The following CCDC91 variants were observed in gnomAD, a reference collection of about 807,000 sequenced individuals.
The protein encoded by CCDC91 is coiled-coil domain containing 91.
In CCDC91, 48 loss-of-function variants were observed where a neutral mutation model predicts 63.2. The ratio of observed to expected loss-of-function variants is 0.76; its 90% CI spans 0.60 to 0.97. The LOEUF (loss-of-function observed/expected upper bound fraction) is 0.97. CCDC91 is among the 50% of genes least tolerant of loss of function. The probability of loss-of-function intolerance (pLI) is 0.00; values close to 1 mark genes in which losing one functional copy is unlikely to be tolerated. For synonymous variants in CCDC91, 167 were observed against 165.8 expected (o/e 1.01, Z -0.06); for missense variants, 500 against 494.6 (o/e 1.01, Z -0.10).
chr12:28,376,565 T>C (rs1944960104), intron 7 of CCDC91, among the ~76,000 whole-genome samples: 1 of 151,776 alleles, frequency 6.6e-6, no homozygotes, highest in South Asian at 2.1e-4. Context: ...ATTGGTATAA[T>C]AGCACAGAGG....
chr12:28,513,440 A>C (rs1939590126), intron 12 of CCDC91, among the ~76,000 whole-genome samples: 2 of 151,908 alleles, frequency 1.3e-5, no homozygotes, highest in Non-Finnish European at 2.9e-5. Flanking sequence ...CTTTTTGAGC[A>C]CTGACATATG....
chr12:28,423,296 G>T (rs1204392295), intron 8 of CCDC91, among the ~76,000 whole-genome samples: 1 of 152,126 alleles, frequency 6.6e-6, no homozygotes, highest in African/African-American at 2.4e-5. Flanking sequence ...CTTTTGAGGA[G>T]ATTTGCTAGG....
intron 12 of CCDC91, among the ~76,000 whole-genome samples, chr12:28,496,496 TAGGG>T (rs1334721872): frequency 2.0e-5 from 3 of 151,696 alleles, no homozygotes; most frequent in Non-Finnish European, 4.4e-5. Context: ...TTTTTAAACA[TAGGG>T]AGGATATCAA....
chr12:28,429,948 T>TCAAA (rs1366616824), intron 8 of CCDC91, among the ~76,000 whole-genome samples: 11 of 152,098 alleles, frequency 7.2e-5, no homozygotes, highest in Non-Finnish European at 1.5e-4. Context: ...TATTTTGACC[T>TCAAA]TTTGTGATTT....
chr12:28,528,492 C>A (rs536513173), intron 12 of CCDC91, among the ~76,000 whole-genome samples: 2 of 152,300 alleles, frequency 1.3e-5, no homozygotes, highest in East Asian at 1.9e-4. Context: ...TCTCCCAGGT[C>A]CTGCAGGAGC....
intron 11 of CCDC91, among the ~76,000 whole-genome samples, chr12:28,460,391 G>C (rs1950247501): frequency 6.6e-6 from 1 of 152,072 alleles, no homozygotes; most frequent in African/African-American, 2.4e-5. Context: ...AATTTTAACT[G>C]ATTGTCAAAT....
At chr12:28,291,571 A>G (rs553052938) in intron 3 of CCDC91, among the ~76,000 whole-genome samples, 156 of 152,264 alleles carry the variant, frequency 1.0e-3, no homozygotes, top group African/African-American at 3.4e-3. Flanking sequence ...TTGTGGTGCA[A>G]GTTTGGCTTT....
chr12:28,320,325 GCA>G, intron 6 of CCDC91, among the ~76,000 whole-genome samples: 1 of 151,902 alleles, frequency 6.6e-6, no homozygotes, highest in African/African-American at 2.4e-5. Context: ...TTCCCAGAGT[GCA>G]CACAGACTTT....
intron 7 of CCDC91, among the ~76,000 whole-genome samples, chr12:28,382,180 A>C (rs554747060): frequency 2.0e-5 from 3 of 152,152 alleles, no homozygotes; most frequent in Admixed American, 6.5e-5. Flanking sequence ...CAAACCTGTA[A>C]TCTCTTAATG....
At chr12:28,378,395 G>T (rs1945079192) in intron 7 of CCDC91, among the ~76,000 whole-genome samples, 1 of 151,954 alleles carries the variant, frequency 6.6e-6, no homozygotes, top group African/African-American at 2.4e-5. Flanking sequence ...TAAATTGTTT[G>T]TACCGTTTTA....
At chr12:28,532,644 GA>G (rs1941835601) in intron 12 of CCDC91, among the ~76,000 whole-genome samples, 2 of 151,950 alleles carry the variant, frequency 1.3e-5, no homozygotes, top group South Asian at 4.2e-4. Context: ...GGTTATATCA[GA>G]AAGAGTAACT....
intron 1 of CCDC91, among the ~76,000 whole-genome samples, chr12:28,194,242 ACTCT>A (rs748438687): frequency 1.3e-5 from 2 of 150,042 alleles, no homozygotes; most frequent in African/African-American, 4.9e-5. Context: ...AGGGGTCAAG[ACTCT>A]CTCTCTCTCT....
At chr12:28,284,328 A>G (rs1228003104) in intron 3 of CCDC91, among the ~76,000 whole-genome samples, 1 of 152,064 alleles carries the variant, frequency 6.6e-6, no homozygotes, top group Non-Finnish European at 1.5e-5. Context: ...TTGTGATTAT[A>G]CTTTTTTGTA....
At position 28,442,196 on chromosome 12, in the gene CCDC91, A is replaced by G. The variant is rs568395336; in HGVS notation, c.763-7965A>G. On this transcript the variant is annotated intron_variant, in intron 8 of 12. Transcript: ENST00000536442. ...TACTGCCTGTGTATTCAGAGAACACATTGAATCCAGGAGGATGCGTTGTCA... is the reference window on the plus strand; with the variant it reads ...TACTGCCTGTGTATTCAGAGAACACGTTGAATCCAGGAGGATGCGTTGTCA... Among the ~76,000 whole-genome samples, 8 of 152,276 alleles carry G rather than the reference A, an allele frequency of 5.3e-5. No individual in the cohort carries two copies. In the East Asian group the frequency reaches 1.5e-3, roughly 29 times the overall value.
intron 7 of CCDC91, among the ~76,000 whole-genome samples, chr12:28,381,382 A>T (rs1243237680): frequency 6.6e-6 from 1 of 151,884 alleles, no homozygotes; most frequent in South Asian, 2.1e-4. Context: ...TTATCAAAAT[A>T]TCATTTTTTT....
At chr12:28,495,527 C>A (rs1486636291) in intron 12 of CCDC91, among the ~76,000 whole-genome samples, 1 of 151,492 alleles carries the variant, frequency 6.6e-6, no homozygotes, top group Non-Finnish European at 1.5e-5. Flanking sequence ...GTTTTGCTAC[C>A]TCAGCGTCCC....
chr12:28,432,920 G>A (rs546844626), intron 8 of CCDC91, among the ~76,000 whole-genome samples: 16 of 152,180 alleles, frequency 1.1e-4, no homozygotes, highest in African/African-American at 3.6e-4. Context: ...CATTCTGACA[G>A]GTATGTAATA....
At chr12:28,225,007 A>G (rs771562545) in intron 1 of CCDC91, among the ~76,000 whole-genome samples, 48 of 152,342 alleles carry the variant, frequency 3.2e-4, no homozygotes, top group Non-Finnish European at 6.5e-4. Flanking sequence ...TTAGGTGACC[A>G]TCTTCAAAAA....
At chr12:28,512,075 T>A (rs975206226) in intron 12 of CCDC91, among the ~76,000 whole-genome samples, 7 of 152,004 alleles carry the variant, frequency 4.6e-5, no homozygotes, top group Middle Eastern at 3.4e-3. Context: ...ATCTCATTTT[T>A]AAAATTCCAA....
Sources: gnomAD v4.1 joint callset for allele counts (sites outside exome capture counted in the v4.1 genomes callset) on GRCh38, gnomAD v4.1.1 for gene constraint, MANE v1.5 for transcripts, NCBI Gene and HGNC (gene_info 2026-07-23, HGNC 2026-07-21) for gene names.